The following CSMD3 variants were observed in gnomAD, a reference collection of about 807,000 sequenced individuals.
The protein encoded by CSMD3 is CUB and Sushi multiple domains 3.
A neutral mutation model predicts 435.2 loss-of-function variants in CSMD3; 177 were observed. The ratio of observed to expected loss-of-function variants is 0.41; its 90% CI spans 0.36 to 0.46. The LOEUF is 0.46. Among genes scored for constraint, CSMD3 ranks in the 20% least tolerant of loss-of-function variants. The pLI is 0.34. For synonymous variants in CSMD3, 1,656 were observed against 1,520.5 expected (o/e 1.09, Z -2.07); for missense variants, 4,265 against 4,504.6 (o/e 0.95, Z 1.52).
At chr8:112,243,431 A>T (rs1814366357) in intron 65 of CSMD3, among the ~76,000 whole-genome samples, 1 of 152,034 alleles carries the variant, frequency 6.6e-6, no homozygotes, top group South Asian at 2.1e-4. Flanking sequence ...AAGTTCCTTT[A>T]CTCCTTCTTC....
chr8:113,051,316 G>A (rs955351970), intron 5 of CSMD3, among the ~76,000 whole-genome samples: 1 of 151,970 alleles, frequency 6.6e-6, no homozygotes, highest in Non-Finnish European at 1.5e-5. Context: ...ATTGCCAAAT[G>A]AGGGTTATTT....
At chr8:113,211,283 C>A (rs1187831727) in intron 3 of CSMD3, among the ~76,000 whole-genome samples, 1 of 152,124 alleles carries the variant, frequency 6.6e-6, no homozygotes, top group African/African-American at 2.4e-5. Flanking sequence ...CAGTTTCTAA[C>A]TATACAATGG....
chr8:113,394,178 AC>A (rs2094473240), intron 1 of CSMD3, among the ~76,000 whole-genome samples: 1 of 151,722 alleles, frequency 6.6e-6, no homozygotes, highest in Non-Finnish European at 1.5e-5. Context: ...ACACACACAC[AC>A]ACACACACAC....
chr8:112,944,315 T>G (rs148984039), intron 9 of CSMD3, among the ~76,000 whole-genome samples: 3 of 151,830 alleles, frequency 2.0e-5, no homozygotes, highest in African/African-American at 7.2e-5. Flanking sequence ...TCCTTTCTAT[T>G]AGATTGAAAA....
chr8:112,847,834 T>C (rs184790579), intron 11 of CSMD3, among the ~76,000 whole-genome samples: 113 of 152,272 alleles, frequency 7.4e-4, no homozygotes, highest in African/African-American at 2.7e-3. Context: ...TTCAAGAGTG[T>C]ATTCTGATGC....
At chr8:112,290,418 T>G (rs899013179) in intron 56 of CSMD3, among the ~76,000 whole-genome samples, 1 of 151,976 alleles carries the variant, frequency 6.6e-6, no homozygotes, top group African/African-American at 2.4e-5. Flanking sequence ...ATGAAGAGAT[T>G]TTTAACTTTA....
chr8:112,606,964 C>A (rs1832835309), intron 22 of CSMD3, among the ~76,000 whole-genome samples: 2 of 82,606 alleles, frequency 2.4e-5, no homozygotes, highest in East Asian at 4.3e-4. Context: ...CTTTACCCCT[C>A]AAGCTATGAA....
chr8:112,300,650 G>C (rs940990390), intron 53 of CSMD3, among the ~76,000 whole-genome samples: 1 of 151,846 alleles, frequency 6.6e-6, no homozygotes, highest in Non-Finnish European at 1.5e-5. Flanking sequence ...GCCAGAGCCT[G>C]GTCCATTAAT....
intron 3 of CSMD3, among the ~76,000 whole-genome samples, chr8:113,207,720 A>G (rs2092787795): frequency 6.6e-6 from 1 of 152,154 alleles, no homozygotes; most frequent in Non-Finnish European, 1.5e-5. Flanking sequence ...GACAGTGTCA[A>G]CTAGGATCTG....
intron 2 of CSMD3, among the ~76,000 whole-genome samples, chr8:113,296,838 C>G (rs932198627): frequency 1.3e-5 from 2 of 152,086 alleles, no homozygotes; most frequent in Non-Finnish European, 2.9e-5. Context: ...GTTGCCCCAT[C>G]ACGAAAACCA....
At chr8:112,474,705 T>C (rs1818868246) in intron 31 of CSMD3, among the ~76,000 whole-genome samples, 1 of 152,128 alleles carries the variant, frequency 6.6e-6, no homozygotes, top group Non-Finnish European at 1.5e-5. Flanking sequence ...GTTATGACAG[T>C]TTGAAAAAGT....
chr8:113,196,681 A>T (rs1009236976), intron 3 of CSMD3, among the ~76,000 whole-genome samples: 3 of 151,280 alleles, frequency 2.0e-5, no homozygotes, highest in African/African-American at 7.3e-5. Flanking sequence ...TAGAGAAAAA[A>T]AAGTCTTGAA....
chr8:112,996,569 ATAGT>A (rs1202604209), intron 6 of CSMD3, among the ~76,000 whole-genome samples: 2 of 151,598 alleles, frequency 1.3e-5, no homozygotes, highest in Non-Finnish European at 3.0e-5. Flanking sequence ...CTCACTGAGA[ATAGT>A]TAATTAATTA....
intron 3 of CSMD3, among the ~76,000 whole-genome samples, chr8:113,233,917 T>C (rs2093119123): frequency 6.6e-6 from 1 of 152,052 alleles, no homozygotes; most frequent in Non-Finnish European, 1.5e-5. Context: ...GCAGTAGCAG[T>C]AGCCAGAATT....
chr8:113,053,730 A>T (rs1398922949), intron 5 of CSMD3, among the ~76,000 whole-genome samples: 1 of 152,148 alleles, frequency 6.6e-6, no homozygotes, highest in East Asian at 1.9e-4. Flanking sequence ...AACTTTATAC[A>T]TCAGTGTGTG....
chr8:112,496,340 C>G (rs1821341669), intron 30 of CSMD3, among the ~76,000 whole-genome samples: 1 of 152,112 alleles, frequency 6.6e-6, no homozygotes, highest in South Asian at 2.1e-4. Context: ...ACCTCATATA[C>G]AGTTGAGGGG....
intron 9 of CSMD3, among the ~76,000 whole-genome samples, chr8:112,928,910 T>C (rs1364923605): frequency 3.7e-5 from 5 of 135,058 alleles, no homozygotes; most frequent in Non-Finnish European, 3.2e-5. Context: ...ACCAACAGTG[T>C]AAAAGTGTTC....
chr8:112,817,229 T>A (rs899832555), intron 12 of CSMD3, among the ~76,000 whole-genome samples: 3 of 152,056 alleles, frequency 2.0e-5, no homozygotes, highest in Non-Finnish European at 4.4e-5. Context: ...TGAAGGAGTA[T>A]CACATATCTG....
chr8:112,229,580 A>T (rs1407430114), intron 69 of CSMD3, among the ~76,000 whole-genome samples: 1 of 151,948 alleles, frequency 6.6e-6, no homozygotes, highest in African/African-American at 2.4e-5. Context: ...AGGCACATGC[A>T]ACCACACCTG....
Sources: allele counts gnomAD v4.1 joint callset (sites outside exome capture counted in the v4.1 genomes callset), GRCh38; gene constraint gnomAD v4.1.1; transcripts MANE v1.5; gene names NCBI Gene and HGNC (gene_info 2026-07-23, HGNC 2026-07-21).